Variants in YTHDF3 observed in about 807,000 individuals in gnomAD.
YTHDF3 encodes YTH domain-containing family protein 3.
YTHDF3 carries 9 observed loss-of-function variants against 52.5 expected under a neutral mutation model. The ratio of observed to expected loss-of-function variants is 0.17; its 90% CI spans 0.10 to 0.30. The LOEUF is 0.30. Among genes scored for constraint, YTHDF3 ranks in the 10% least tolerant of loss-of-function variants. The pLI, the probability that YTHDF3 is intolerant of heterozygous loss-of-function variation, is 1.00. For missense variants in YTHDF3, 534 were observed against 715.0 expected (o/e 0.75, Z 2.89); for synonymous variants, 274 against 243.3 (o/e 1.13, Z -1.18).
intron 2 of YTHDF3, chr8:63,173,520 G>A (rs917095934): frequency 3.0e-5 from 10 of 329,590 alleles, no homozygotes; most frequent in African/African-American, 2.3e-4. Context: ...GAACCTAGTG[G>A]ATATGAGAGA....
Position 63,168,672 on chromosome 8 carries a change from G to C in YTHDF3, c.-206G>C, listed in dbSNP as rs1001122030. ...TGGACCCGAGAAGCAGAGAGCGAGA[G>C]GGGGAAGAGGAGCGTGCAAGCGGAA... On this transcript the variant is annotated 5_prime_UTR_variant, in exon 1 of 5. Coordinates refer to ENST00000539294, the MANE Select transcript of YTHDF3 (RefSeq NM_152758.6). The C allele has an allele frequency of 4.3e-5, 38 of 887,830 alleles. No individual in the cohort carries two copies. Among genetic ancestry groups the C allele is most frequent in the Non-Finnish European group, 6.2e-5 (36 of 581,514 alleles). The allele number at this position is 887,830 out of a possible 1,614,324, so 55.0% of individuals were successfully genotyped here. A position where few individuals can be genotyped will look rare whatever the true frequency, so the allele number is the denominator to read the frequency against.
intron 4 of YTHDF3, among the ~76,000 whole-genome samples, chr8:63,206,063 T>C (rs1414425494): frequency 6.6e-6 from 1 of 152,098 alleles, no homozygotes; most frequent in Non-Finnish European, 1.5e-5. Context: ...CAGCCTAAAT[T>C]TAGTGTACCT....
intron 3 of YTHDF3, 113 bp from the exon 4 acceptor site, chr8:63,186,034 G>A: frequency 6.2e-6 from 7 of 1,137,226 alleles, no homozygotes; most frequent in Non-Finnish European, 8.5e-6. Context: ...TCTAGAATAG[G>A]TACATCTTTT....
chr8:63,209,047 T>C (rs1810215319), intron 4 of YTHDF3, among the ~76,000 whole-genome samples: 1 of 151,754 alleles, frequency 6.6e-6, no homozygotes, highest in Admixed American at 6.6e-5. Flanking sequence ...TTTGTATTTT[T>C]AGTAGAGACG....
intron 3 of YTHDF3, among the ~76,000 whole-genome samples, chr8:63,184,170 A>G (rs1808345841): frequency 6.6e-6 from 1 of 152,252 alleles, no homozygotes; most frequent in Non-Finnish European, 1.5e-5. Flanking sequence ...GGAAAAACAA[A>G]TAACAATACA....
In YTHDF3 at chr8:63,179,318, A is replaced by G. The variant is rs575537831; in HGVS notation, c.135+3902A>G. 1.2e-4 allele frequency among the ~76,000 whole-genome samples: 19 copies of G among 152,210 alleles called. No homozygotes were observed. The East Asian group carries it at 3.3e-3, about 26-fold the overall frequency. Reference sequence around the variant, plus strand: ...ATAGTGCAGGGAAGGTCAGCAGATAAACAAGTGAACAAAGGTCTCTGGTTT... The same window carrying G: ...ATAGTGCAGGGAAGGTCAGCAGATAGACAAGTGAACAAAGGTCTCTGGTTT... On this transcript the variant is annotated intron_variant, in intron 3 of 4. Coordinates refer to ENST00000539294, the MANE Select transcript of YTHDF3 (RefSeq NM_152758.6).
chr8:63,171,272 A>G (rs1260337984), intron 2 of YTHDF3, among the ~76,000 whole-genome samples: 5 of 152,158 alleles, frequency 3.3e-5, no homozygotes, highest in South Asian at 2.1e-4. Flanking sequence ...TCTCCCCTCT[A>G]TAAAATAAAA....
chr8:63,201,725 T>C (rs764042221), intron 4 of YTHDF3, among the ~76,000 whole-genome samples: 3 of 152,170 alleles, frequency 2.0e-5, no homozygotes, highest in Non-Finnish European at 2.9e-5. Context: ...CTTGAGGGAA[T>C]TAAAAAAGCA....
chr8:63,191,885 T>A (rs1392557713), intron 4 of YTHDF3, among the ~76,000 whole-genome samples: 1 of 152,220 alleles, frequency 6.6e-6, no homozygotes, highest in African/African-American at 2.4e-5. Flanking sequence ...GGATGACCAT[T>A]GTGTCTATTC....
At chr8:63,196,418 G>A (rs1050359761) in intron 4 of YTHDF3, among the ~76,000 whole-genome samples, 2 of 151,708 alleles carry the variant, frequency 1.3e-5, no homozygotes, top group Non-Finnish European at 2.9e-5. Flanking sequence ...AAAAATTAGC[G>A]AGGCGTGCTG....
intron 4 of YTHDF3, among the ~76,000 whole-genome samples, chr8:63,191,493 C>T (rs1405074973): frequency 6.6e-6 from 1 of 152,110 alleles, no homozygotes; most frequent in Non-Finnish European, 1.5e-5. Context: ...TTAATGGAAT[C>T]CCTTGATCCT....
intron 4 of YTHDF3, among the ~76,000 whole-genome samples, chr8:63,205,144 G>C (rs1259390304): frequency 6.6e-6 from 1 of 152,020 alleles, no homozygotes; most frequent in Non-Finnish European, 1.5e-5. Context: ...CTTAGTTCAC[G>C]GTGGGGAAGA....
chr8:63,196,091 C>T (rs774495452), intron 4 of YTHDF3, among the ~76,000 whole-genome samples: 14 of 151,914 alleles, frequency 9.2e-5, no homozygotes, highest in Non-Finnish European at 1.6e-4. Flanking sequence ...CCACACCTGG[C>T]CTTTAGAAAA....
At chr8:63,198,130 G>T (rs1809356650) in intron 4 of YTHDF3, among the ~76,000 whole-genome samples, 1 of 152,098 alleles carries the variant, frequency 6.6e-6, no homozygotes, top group Non-Finnish European at 1.5e-5. Context: ...AATAAGCAAG[G>T]CATAATTATA....
intron 3 of YTHDF3, among the ~76,000 whole-genome samples, chr8:63,182,637 T>C (rs1489072373): frequency 6.6e-6 from 1 of 152,214 alleles, no homozygotes; most frequent in Non-Finnish European, 1.5e-5. Context: ...CTTCCTACTT[T>C]GTGTGCTTTT....
chr8:63,206,612 A>T (rs537370520), intron 4 of YTHDF3, among the ~76,000 whole-genome samples: 2 of 152,218 alleles, frequency 1.3e-5, no homozygotes, highest in East Asian at 1.9e-4. Flanking sequence ...TATGATTTAA[A>T]TTTTTTGTCT....
intron 3 of YTHDF3, among the ~76,000 whole-genome samples, chr8:63,183,879 C>T (rs951941024): frequency 1.3e-5 from 2 of 152,164 alleles, no homozygotes; most frequent in African/African-American, 4.8e-5. Flanking sequence ...TCTGTGTATG[C>T]TCAAGAACCT....
Position 63,175,602 on chromosome 8 carries a change from G to C in YTHDF3, c.135+186G>C, listed in dbSNP as rs1324111721. ...GCACAGGAGAGTTCTTCTTCAGAAAGTATAGGCACCAGAAACTAGGTTATG... is the reference window on the plus strand; with the variant it reads ...GCACAGGAGAGTTCTTCTTCAGAAACTATAGGCACCAGAAACTAGGTTATG... On this transcript the variant is annotated intron_variant, in intron 3 of 4. Transcript: ENST00000539294. 1.4e-5 allele frequency: 7 copies of C among 493,030 alleles called. No homozygotes were observed. The East Asian group carries it at 1.9e-4, about 13-fold the overall frequency. 30.5% of individuals were successfully genotyped at this position (493,030 alleles called of 1,614,324 possible).
At position 63,210,357 on chromosome 8, in the gene YTHDF3, C is replaced by T. The variant is rs1338255120; in HGVS notation, c.*651C>T. On this transcript the variant is annotated 3_prime_UTR_variant, in exon 5 of 5. Coordinates refer to ENST00000539294, the MANE Select transcript of YTHDF3 (RefSeq NM_152758.6). Reference sequence around the variant, plus strand: ...TATTGATATGCAGCTTGGTGGATTTCACCAGTTAATGCACATTCTTCTTCC... The same window carrying T: ...TATTGATATGCAGCTTGGTGGATTTTACCAGTTAATGCACATTCTTCTTCC... 2 of 152,554 alleles carry T rather than the reference C, an allele frequency of 1.3e-5. No individual in the cohort carries two copies. The highest frequency in any genetic ancestry group is 2.9e-5 in the Non-Finnish European group (2 of 67,996). 9.5% of individuals were successfully genotyped at this position (152,554 alleles called of 1,614,324 possible). A position where few individuals can be genotyped will look rare whatever the true frequency, so the allele number is the denominator to read the frequency against.
Sources: allele counts gnomAD v4.1 joint callset (sites outside exome capture counted in the v4.1 genomes callset), GRCh38; gene constraint gnomAD v4.1.1; transcripts MANE v1.5; gene names NCBI Gene and HGNC (gene_info 2026-07-23, HGNC 2026-07-21).